SGCZ: variants seen among roughly 807,000 people sequenced by gnomAD.
SGCZ encodes sarcoglycan zeta, also known as zeta-sarcoglycan.
Under a neutral mutation model 41.3 loss-of-function variants are expected in SGCZ, and 40 were observed. The observed-to-expected ratio is 0.97, with a 90% CI of 0.75 to 1.26. SGCZ has a LOEUF of 1.26. Among genes scored for constraint, SGCZ ranks in the 50% most tolerant of loss-of-function variants. The probability of loss-of-function intolerance (pLI) is 0.00; values close to 1 mark genes in which losing one functional copy is unlikely to be tolerated. For missense variants in SGCZ, 552 were observed against 369.8 expected (o/e 1.49, Z -4.04); for synonymous variants, 206 against 137.5 (o/e 1.50, Z -3.49).
At chr8:14,764,188 G>C (rs1349366721) in intron 1 of SGCZ, among the ~76,000 whole-genome samples, 1 of 152,168 alleles carries the variant, frequency 6.6e-6, no homozygotes, top group African/African-American at 2.4e-5. Context: ...TTGTAAAAAA[G>C]CACTTATTCA....
intron 1 of SGCZ, among the ~76,000 whole-genome samples, chr8:14,714,414 C>G (rs1468620668): frequency 6.6e-6 from 1 of 152,208 alleles, no homozygotes; most frequent in Non-Finnish European, 1.5e-5. Context: ...GATTTAATAA[C>G]ATGATTTATT....
At chr8:15,214,583 T>C (rs1429780497) in intron 1 of SGCZ, among the ~76,000 whole-genome samples, 2 of 152,148 alleles carry the variant, frequency 1.3e-5, no homozygotes, top group Non-Finnish European at 2.9e-5. Flanking sequence ...TTAGGTTTTG[T>C]CAGAATATTT....
At chr8:15,117,516 C>G (rs1807317944) in intron 1 of SGCZ, among the ~76,000 whole-genome samples, 1 of 152,130 alleles carries the variant, frequency 6.6e-6, no homozygotes, top group Admixed American at 6.5e-5. Flanking sequence ...AGATTTCAAG[C>G]CTTATGTCTG....
chr8:15,053,961 G>A (rs1396573019), intron 1 of SGCZ, among the ~76,000 whole-genome samples: 2 of 152,016 alleles, frequency 1.3e-5, no homozygotes, highest in Non-Finnish European at 2.9e-5. Flanking sequence ...AAAATTGAAA[G>A]CAAGAAACAA....
At chr8:14,220,867 C>T (rs2117120553) in intron 4 of SGCZ, among the ~76,000 whole-genome samples, 1 of 151,818 alleles carries the variant, frequency 6.6e-6, no homozygotes, top group Non-Finnish European at 1.5e-5. Context: ...GTGTGGGAAG[C>T]AAAAAAGGAA....
intron 5 of SGCZ, among the ~76,000 whole-genome samples, chr8:14,134,338 A>G (rs1213240874): frequency 6.6e-6 from 1 of 152,202 alleles, no homozygotes; most frequent in Non-Finnish European, 1.5e-5. Context: ...CAGTACATGT[A>G]TCATGATGCA....
At chr8:14,686,185 T>A (rs920035263) in intron 1 of SGCZ, among the ~76,000 whole-genome samples, 1 of 152,136 alleles carries the variant, frequency 6.6e-6, no homozygotes, top group African/African-American at 2.4e-5. Flanking sequence ...TTATTGAGTA[T>A]CATTTACAGT....
chr8:14,659,679 A>T (rs1303757846), intron 1 of SGCZ, among the ~76,000 whole-genome samples: 1 of 152,178 alleles, frequency 6.6e-6, no homozygotes, highest in Non-Finnish European at 1.5e-5. Context: ...GGTGAAATCA[A>T]CCAATTGCTC....
At chr8:14,123,678 A>C (rs2117041037) in intron 5 of SGCZ, among the ~76,000 whole-genome samples, 1 of 152,298 alleles carries the variant, frequency 6.6e-6, no homozygotes, top group Non-Finnish European at 1.5e-5. Context: ...TAATAGTAAA[A>C]CTATTTTTAA....
chr8:14,558,709 C>A (rs1409323171), intron 1 of SGCZ, among the ~76,000 whole-genome samples: 2 of 151,358 alleles, frequency 1.3e-5, no homozygotes, highest in African/African-American at 4.9e-5. Flanking sequence ...GACCAATATC[C>A]CTCATAAACA....
chr8:14,353,117 C>T (rs958771616), intron 2 of SGCZ, among the ~76,000 whole-genome samples: 1 of 151,832 alleles, frequency 6.6e-6, no homozygotes, highest in African/African-American at 2.4e-5. Flanking sequence ...TTTCTATGAC[C>T]TTGGGCAAGT....
chr8:14,908,350 T>G (rs985880752), intron 1 of SGCZ, among the ~76,000 whole-genome samples: 2 of 152,220 alleles, frequency 1.3e-5, no homozygotes, highest in African/African-American at 4.8e-5. Flanking sequence ...GTGGCCATTG[T>G]ATAGCAGACA....
chr8:14,823,055 T>TTAA (rs1491314386), intron 1 of SGCZ, among the ~76,000 whole-genome samples: 1 of 75,488 alleles, frequency 1.3e-5, no homozygotes, highest in African/African-American at 4.6e-5. Flanking sequence ...CCAATCCTCA[T>TTAA]AAAAAAAAAA....
intron 2 of SGCZ, among the ~76,000 whole-genome samples, chr8:14,467,316 CT>C (rs1801079136): frequency 6.6e-6 from 1 of 152,040 alleles, no homozygotes; most frequent in South Asian, 2.1e-4. Flanking sequence ...GTGAAAGTCA[CT>C]TCAGCTAGTG....
intron 1 of SGCZ, among the ~76,000 whole-genome samples, chr8:15,172,636 C>T (rs1023903133): frequency 6.6e-6 from 1 of 152,100 alleles, no homozygotes; most frequent in African/African-American, 2.4e-5. Context: ...CAAAGAAACT[C>T]TTGTCAAATA....
chr8:14,859,662 A>G (rs902413649), intron 1 of SGCZ, among the ~76,000 whole-genome samples: 3 of 152,148 alleles, frequency 2.0e-5, no homozygotes, highest in African/African-American at 7.2e-5. Flanking sequence ...TTCTGTGTTT[A>G]CCCAGTGTCC....
At chr8:15,113,722 C>G (rs1563133310) in intron 1 of SGCZ, among the ~76,000 whole-genome samples, 1 of 152,122 alleles carries the variant, frequency 6.6e-6, no homozygotes, top group Non-Finnish European at 1.5e-5. Context: ...TGCAAAGGCT[C>G]CCACCAGCTC....
chr8:14,744,175 G>T (rs1035080432), intron 1 of SGCZ, among the ~76,000 whole-genome samples: 1 of 152,122 alleles, frequency 6.6e-6, no homozygotes, highest in Non-Finnish European at 1.5e-5. Flanking sequence ...GGAGCATAAA[G>T]AAAATGGAAA....
At chr8:14,974,436 A>T (rs950460258) in intron 1 of SGCZ, among the ~76,000 whole-genome samples, 1 of 152,200 alleles carries the variant, frequency 6.6e-6, no homozygotes, top group Admixed American at 6.5e-5. Context: ...AACTTTCATC[A>T]GGATACACCT....
Sources: gnomAD v4.1 joint callset for allele counts (sites outside exome capture counted in the v4.1 genomes callset) on GRCh38, gnomAD v4.1.1 for gene constraint, MANE v1.5 for transcripts, NCBI Gene and HGNC (gene_info 2026-07-23, HGNC 2026-07-21) for gene names.